The following TOP3A variants were observed in gnomAD, a reference collection of about 807,000 sequenced individuals.
TOP3A encodes DNA topoisomerase III alpha.
In TOP3A, 64 loss-of-function variants were observed where a neutral mutation model predicts 111.3. The ratio of observed to expected loss-of-function variants is 0.57; its 90% CI spans 0.47 to 0.71. The LOEUF (loss-of-function observed/expected upper bound fraction) is 0.71, where lower values mean the gene tolerates loss of function less well. Ranked by LOEUF, TOP3A falls within the 30% of genes least tolerant of loss-of-function variation. TOP3A has a pLI of 0.00. For synonymous variants in TOP3A, 484 were observed against 485.1 expected, an observed-to-expected ratio of 1.00 and a Z score of 0.03; for missense variants, 1,104 against 1,285.0, an observed-to-expected ratio of 0.86 and a Z score of 2.15.
Position 18,302,299 on chromosome 17 carries a change from T to C in TOP3A, c.779A>G (p.Gln260Arg). The change falls in exon 7 of 19, where the codon CAG (glutamine) becomes CGG (arginine). Residue 260 changes from glutamine (Q) to arginine (R), a missense_variant. Coordinates refer to ENST00000321105, the MANE Select transcript of TOP3A (RefSeq NM_004618.5). ...GFVVERFKAI[Q>R]AFVPEIFHRI... ...GTGGAAGATTTCTGGTACAAAAGCC[T>C]GAATGGCTTTGAACCGCTCCACCAC... The C allele has an allele frequency of 6.2e-7, 1 of 1,612,112 alleles. No homozygotes were observed. Among genetic ancestry groups the C allele is most frequent in the Non-Finnish European group, 8.5e-7 (1 of 1,179,776 alleles).
At position 18,272,255 on chromosome 17, in the gene TOP3A, G is replaced by A. The variant is rs1395972850; in HGVS notation, c.*2547C>T. 6.6e-6 allele frequency among the ~76,000 whole-genome samples: 1 copy of A among 152,076 alleles called. No individual in the cohort carries two copies. Among genetic ancestry groups the A allele is most frequent in the East Asian group, 1.9e-4 (1 of 5,200 alleles). Reference sequence around the variant, plus strand: ...ACTAGGATGACAAAACACTAGGATGGCTATAATACAAGAAAAGGAAAGGAA... The same window carrying A: ...ACTAGGATGACAAAACACTAGGATGACTATAATACAAGAAAAGGAAAGGAA... On this transcript the variant is annotated 3_prime_UTR_variant, in exon 19 of 19. Coordinates refer to ENST00000321105, the MANE Select transcript of TOP3A (RefSeq NM_004618.5).
At chr17:18,299,672 A>T in intron 8 of TOP3A, 39 bp from the exon 9 acceptor site, 10 of 1,576,626 alleles carry the variant, frequency 6.3e-6, no homozygotes, top group Non-Finnish European at 8.7e-6. Flanking sequence ...TTAACCTGTT[A>T]GTGCATCATC....
At chr17:18,298,348 C>A (rs527357352) in intron 9 of TOP3A, among the ~76,000 whole-genome samples, 2 of 147,898 alleles carry the variant, frequency 1.4e-5, no homozygotes, top group Non-Finnish European at 3.0e-5. Flanking sequence ...GTCAGCCCCC[C>A]GCCCGGCCAG....
At chr17:18,313,431 C>T (rs3829583) in intron 1 of TOP3A, 2 of 153,974 alleles carry the variant, frequency 1.3e-5, no homozygotes, top group South Asian at 3.8e-4. Context: ...AAAGGGTTCA[C>T]CTGAAGTGCC....
chr17:18,302,547 G>A, intron 6 of TOP3A, 33 bp downstream of exon 6: 6 of 1,607,888 alleles, frequency 3.7e-6, no homozygotes, highest in African/African-American at 1.3e-5. Flanking sequence ...CAACATTAAT[G>A]TGGCCATGGG....
intron 1 of TOP3A, among the ~76,000 whole-genome samples, chr17:18,311,387 G>A (rs904896242): frequency 1.3e-5 from 2 of 151,998 alleles, no homozygotes; most frequent in Admixed American, 6.6e-5. Context: ...TCCACTTCCC[G>A]GGTTGAAGCG....
At chr17:18,310,477 A>G (rs1027493978) in intron 1 of TOP3A, among the ~76,000 whole-genome samples, 1 of 152,132 alleles carries the variant, frequency 6.6e-6, no homozygotes, top group Non-Finnish European at 1.5e-5. Flanking sequence ...ATGGTACAAC[A>G]TGGATGGACT....
chr17:18,299,473 A>G, intron 9 of TOP3A, 86 bp downstream of exon 9: 1 of 1,241,246 alleles, frequency 8.1e-7, no homozygotes, highest in South Asian at 1.2e-5. Context: ...ATTTTCTTCC[A>G]CCAAGCCACA....
Position 18,271,634 on chromosome 17 carries a change from C to T in TOP3A, c.*3168G>A, listed in dbSNP as rs1978999316. 3.2e-6 allele frequency: 1 copy of T among 315,680 alleles called. No homozygotes were observed. Among genetic ancestry groups the T allele is most frequent in the Non-Finnish European group, 6.2e-6 (1 of 161,072 alleles). The allele number at this position is 315,680 out of a possible 1,614,324, so 19.6% of individuals were successfully genotyped here. A position where few individuals can be genotyped will look rare whatever the true frequency, so the allele number is the denominator to read the frequency against. On this transcript the variant is annotated 3_prime_UTR_variant, in exon 19 of 19. Transcript: ENST00000321105. ...CAGATGCCTGGCCCAGTCCATGGTGCAGCCCAATCCTGCAGTTTGCTTTTG... is the reference window on the plus strand; with the variant it reads ...CAGATGCCTGGCCCAGTCCATGGTGTAGCCCAATCCTGCAGTTTGCTTTTG...
chr17:18,289,335 GTTGTTGT>G (rs952523974), intron 13 of TOP3A, among the ~76,000 whole-genome samples: 23 of 139,276 alleles, frequency 1.7e-4, no homozygotes, highest in African/African-American at 5.4e-4. Context: ...TGTTGTTGTT[GTTGTTGT>G]TTGTTTGTTT....
In TOP3A at chr17:18,314,606, A is replaced by G; in HGVS notation, c.173T>C (p.Met58Thr). Residue 58 changes from methionine to threonine, a missense_variant, in exon 1 of 19, where the codon ATG (methionine) becomes ACG (threonine). Transcript: ENST00000321105. Reference sequence around the variant, plus strand: ...CGGAACGCGCTTTCTTACCCGCCTCATGCGACCGTTTGACAGCAGGTCGGC... The same window carrying G: ...CGGAACGCGCTTTCTTACCCGCCTCGTGCGACCGTTTGACAGCAGGTCGGC... Reference protein sequence around the residue: ...GIADLLSNGRMRRREGLSKFN... With the variant: ...GIADLLSNGRTRRREGLSKFN... 1 of 1,610,504 alleles carries G rather than the reference A, an allele frequency of 6.2e-7. No homozygotes were observed. Among genetic ancestry groups the G allele is most frequent in the Non-Finnish European group, 8.5e-7 (1 of 1,178,008 alleles).
chr17:18,298,699 T>C (rs1404119546), intron 9 of TOP3A, among the ~76,000 whole-genome samples: 3 of 151,298 alleles, frequency 2.0e-5, no homozygotes, highest in Admixed American at 6.6e-5. Context: ...TTTCATTTTG[T>C]TCTGTACTAA....
At chr17:18,301,351 C>T (rs1341689910) in intron 8 of TOP3A, among the ~76,000 whole-genome samples, 2 of 152,236 alleles carry the variant, frequency 1.3e-5, no homozygotes, top group African/African-American at 2.4e-5. Flanking sequence ...CCACCCACCC[C>T]GCCAGCCCTT....
intron 13 of TOP3A, among the ~76,000 whole-genome samples, chr17:18,290,009 A>T (rs2142960650): frequency 6.6e-6 from 1 of 152,314 alleles, no homozygotes; most frequent in African/African-American, 2.4e-5. Context: ...GCAAAGCTTG[A>T]GCCATGGGAC....
chr17:18,277,198 A>AAG (rs1979430789), intron 18 of TOP3A, among the ~76,000 whole-genome samples: 1 of 151,664 alleles, frequency 6.6e-6, no homozygotes, highest in Non-Finnish European at 1.5e-5. Flanking sequence ...AAAAAAAAAA[A>AAG]AAAAAAAAGA....
At chr17:18,278,479 C>T (rs964701965) in intron 17 of TOP3A, 122 bp from the exon 18 acceptor site, 15 of 882,086 alleles carry the variant, frequency 1.7e-5, no homozygotes, top group South Asian at 2.4e-5. Context: ...AGGAAGCCCA[C>T]ACAAGTCCCC....
chr17:18,281,310 C>T (rs1050222843), intron 16 of TOP3A, among the ~76,000 whole-genome samples: 1 of 152,104 alleles, frequency 6.6e-6, no homozygotes, highest in African/African-American at 2.4e-5. Context: ...AAGAAATTTA[C>T]AATCTCAGAA....
chr17:18,293,875 G>A (rs766962607), intron 10 of TOP3A, among the ~76,000 whole-genome samples: 4 of 152,186 alleles, frequency 2.6e-5, no homozygotes, highest in Admixed American at 6.5e-5. Flanking sequence ...GATTACAGGC[G>A]TGAGCCACCA....
chr17:18,278,237 GC>G lies in TOP3A; in HGVS notation c.2264del (p.Gly755AlafsTer18). 1 of 1,575,652 alleles carries G rather than the reference GC, an allele frequency of 6.3e-7. No individual in the cohort carries two copies. Among genetic ancestry groups the G allele is most frequent in the Non-Finnish European group, 8.6e-7 (1 of 1,159,564 alleles). ...REILDLRFSG[G>X]PPRASQPSGR... is the part of the protein sequence containing the mutation. ...CAGAGGGCTGGCTAGCCCTGGGGGGGCCCCCTGAAAATCTCAGGTCCAGGAT... is the reference window on the plus strand; with the variant it reads ...CAGAGGGCTGGCTAGCCCTGGGGGGGCCCCTGAAAATCTCAGGTCCAGGAT... On this transcript the variant is annotated frameshift_variant, in exon 18 of 19. Transcript: ENST00000321105. LOFTEE classifies it high-confidence loss of function.
Sources: gnomAD v4.1 joint callset for allele counts (sites outside exome capture counted in the v4.1 genomes callset) on GRCh38, gnomAD v4.1.1 for gene constraint, MANE v1.5 for transcripts, NCBI Gene and HGNC (gene_info 2026-07-23, HGNC 2026-07-21) for gene names.